Variants in SMTN observed in about 807,000 individuals in gnomAD.
SMTN encodes smoothelin.
SMTN carries 58 observed loss-of-function variants against 102.0 expected under a neutral mutation model. The ratio of observed to expected loss-of-function variants is 0.57; its 90% confidence interval spans 0.46 to 0.71. SMTN has a LOEUF of 0.71. Ranked by LOEUF, SMTN falls within the 30% of genes least tolerant of loss-of-function variation. The pLI is 0.00. For missense variants in SMTN, 1,185 were observed against 1,241.7 expected, an observed-to-expected ratio of 0.95 and a Z score of 0.69; for synonymous variants, 478 against 497.9, an observed-to-expected ratio of 0.96 and a Z score of 0.53.
chr22:31,090,439 A>T (rs956503653), intron 8 of SMTN, among the ~76,000 whole-genome samples: 3 of 150,208 alleles, frequency 2.0e-5, no homozygotes, highest in African/African-American at 7.4e-5. Flanking sequence ...CCAATAAGGG[A>T]GTCCACCCAT....
chr22:31,082,538 G>A (rs2147550145), intron 1 of SMTN: 1 of 494,120 alleles, frequency 2.0e-6, no homozygotes, highest in Non-Finnish European at 4.1e-6. Context: ...TCCAGGGGTT[G>A]GGCAGGTCAG....
In SMTN at chr22:31,104,480, A is replaced by C. The variant is rs536967394; in HGVS notation, c.*185A>C. On this transcript the variant is annotated 3_prime_UTR_variant, in exon 21 of 21. Transcript: ENST00000333137. ...AAGAATGTCTAGCCTGCCCGCCCGC[A>C]TGGCCAGCCAGTGGCAAGCTGCCGC... 55 of 1,610,240 alleles carry C rather than the reference A, an allele frequency of 3.4e-5. No homozygotes were observed. The Admixed American group carries it at 9.2e-4, about 27-fold the overall frequency.
upstream of SMTN, among the ~76,000 whole-genome samples, chr22:31,076,876 C>G (rs1450354415): frequency 6.6e-6 from 1 of 152,166 alleles, no homozygotes; most frequent in African/African-American, 2.4e-5. Context: ...GACTCTGGAG[C>G]CAAAATACCC....
At chr22:31,083,340 A>G (rs2042438652) in intron 2 of SMTN, 31 bp downstream of exon 2, 1 of 1,517,430 alleles carries the variant, frequency 6.6e-7, no homozygotes, top group African/African-American at 1.4e-5. Flanking sequence ...CTGTGGGGAC[A>G]GGAAAGCCAA....
intron 1 of SMTN, among the ~76,000 whole-genome samples, chr22:31,074,446 T>C (rs1444856399): frequency 1.3e-5 from 2 of 151,864 alleles, no homozygotes; most frequent in African/African-American, 4.8e-5. Context: ...TTGCTATTGA[T>C]TTTGGGCAAA....
In SMTN at chr22:31,090,112, T is replaced by C; in HGVS notation, c.797T>C (p.Leu266Pro). 1 of 1,612,158 alleles carries C rather than the reference T, an allele frequency of 6.2e-7. No homozygotes were observed. The highest frequency in any genetic ancestry group is 2.2e-5 in the East Asian group (1 of 44,878). Reference protein sequence around the residue: ...STEGQVVNKLLSGPKETPAAQ... With the variant: ...STEGQVVNKLPSGPKETPAAQ... The stretch of plus-strand genomic sequence containing the variant: ...CCCTGTTCTTCTCCCTTGCAGCTTC[T>C]GTCTGGCCCCAAAGAGACCCCTGCT... The change falls in exon 8 of 21, where the codon CTG becomes CCG. Residue 266 changes from leucine to proline, a missense_variant. Coordinates refer to ENST00000333137, the MANE Select transcript of SMTN (RefSeq NM_134269.3).
chr22:31,097,162 T>C (rs2043661457), intron 15 of SMTN, 102 bp downstream of exon 15: 1 of 1,495,000 alleles, frequency 6.7e-7, no homozygotes, highest in Admixed American at 1.7e-5. Context: ...TGCCGTCACT[T>C]TCTCTTCTCT....
upstream of SMTN, among the ~76,000 whole-genome samples, chr22:31,078,976 A>G (rs780682322): frequency 4.6e-5 from 7 of 152,242 alleles, no homozygotes; most frequent in Admixed American, 1.3e-4. Flanking sequence ...AGTGGCAGCA[A>G]AGTGGAGGGA....
Position 31,096,771 on chromosome 22 carries a change from G to A in SMTN, c.1900G>A (p.Ala634Thr). Residue 634 changes from alanine to threonine, a missense_variant, in exon 14 of 21, where the codon GCA (alanine) becomes ACA (threonine). By Grantham distance (58) the Ala-to-Thr change is moderately conservative. Transcript: ENST00000333137. ...GGAGCGGGAACGGCGGCTGCAGGAG[G>A]CACGGGGCCGGCCAGGGGAGGGGCG... Reference protein sequence around the residue: ...DKERERRLQEARGRPGEGRGN... With the variant: ...DKERERRLQETRGRPGEGRGN... 6.4e-7 allele frequency: 1 copy of A among 1,559,748 alleles called. No individual in the cohort carries two copies. The highest frequency in any genetic ancestry group is 8.7e-7 in the Non-Finnish European group (1 of 1,155,868).
chr22:31,088,314 T>A, intron 3 of SMTN, 199 bp from the exon 4 acceptor site: 1 of 773,196 alleles, frequency 1.3e-6, no homozygotes, highest in Non-Finnish European at 2.1e-6. Context: ...GCCGTGCTGA[T>A]GTAGCCAGCA....
chr22:31,087,835 C>A, intron 2 of SMTN, 130 bp from the exon 3 acceptor site: 1 of 1,003,786 alleles, frequency 1.0e-6, no homozygotes, highest in South Asian at 1.8e-5. Flanking sequence ...GGCAGGCAGG[C>A]ACGTGAAGAG....
At chr22:31,099,650 C>A in intron 18 of SMTN, 95 bp from the exon 19 acceptor site, 1 of 1,397,476 alleles carries the variant, frequency 7.2e-7, no homozygotes, top group Non-Finnish European at 9.8e-7. Flanking sequence ...CTCTTTGTGC[C>A]CAGTGCCCTA....
chr22:31,076,871 T>C, upstream of SMTN, among the ~76,000 whole-genome samples: 1 of 152,354 alleles, frequency 6.6e-6, no homozygotes, highest in East Asian at 1.9e-4. Context: ...GACTGGACTC[T>C]GGAGCCAAAA....
At chr22:31,089,428 A>T (rs1223639390) in intron 6 of SMTN, among the ~76,000 whole-genome samples, 1 of 152,158 alleles carries the variant, frequency 6.6e-6, no homozygotes, top group East Asian at 1.9e-4. Flanking sequence ...CGTCCCCAAT[A>T]GGTCTCCTGC....
chr22:31,082,748 G>A (rs1402977346), intron 1 of SMTN: 5 of 953,992 alleles, frequency 5.2e-6, no homozygotes, highest in Non-Finnish European at 7.8e-6. Flanking sequence ...ACAGCCAGAA[G>A]CTGAGCCTGC....
Position 31,089,819 on chromosome 22 carries a change from A to C in SMTN, c.592A>C (p.Thr198Pro). 6.2e-7 allele frequency: 1 copy of C among 1,613,562 alleles called. No individual in the cohort carries two copies. Among genetic ancestry groups the C allele is most frequent in the Non-Finnish European group, 8.5e-7 (1 of 1,179,932 alleles). The change falls in exon 7 of 21, where the codon ACA becomes CCA. Residue 198 changes from threonine to proline, a missense_variant. By Grantham distance (38) the Thr-to-Pro change is conservative. This residue lies in a region of SMTN where 1,096 missense variants were observed against 1,112.7 expected (regional missense o/e 0.98). Coordinates refer to ENST00000333137, the MANE Select transcript of SMTN (RefSeq NM_134269.3). Reference protein sequence around the residue: ...TLLLRAPPGSTSSSPASPSSS... With the variant: ...TLLLRAPPGSPSSSPASPSSS... Reference sequence around the variant, plus strand: ...CCTGCTGCGAGCCCCACCTGGGAGCACATCCAGCTCACCTGCCTCACCCAG... The same window carrying C: ...CCTGCTGCGAGCCCCACCTGGGAGCCCATCCAGCTCACCTGCCTCACCCAG...
At position 31,068,876 on chromosome 22, in the gene SMTN, A is replaced by G. The variant is rs897990242; in HGVS notation, c.-386+4689A>G. On this transcript the variant is annotated intron_variant, in intron 1 of 3. Coordinates refer to the SMTN transcript ENST00000422839. ...ATACGTGCTCTGGGAAGACCTTTCT[A>G]AGGAGGTGATGTGTGAGTTAAGATC... Among the ~76,000 whole-genome samples, 128 of 152,114 alleles carry G rather than the reference A, an allele frequency of 8.4e-4. 1 individual carries two copies. Among genetic ancestry groups the G allele is most frequent in the Non-Finnish European group, 2.6e-4 (18 of 68,016 alleles).
In SMTN at chr22:31,099,046, G is replaced by T; in HGVS notation, c.2334-16G>T. On this transcript the variant is annotated splice_polypyrimidine_tract_variant and intron_variant, in intron 17 of 20. Transcript: ENST00000333137. Reference sequence around the variant, plus strand: ...CCTTATAGTCGTGTGACCTGGTCCTGACACCGCCCCTACAGCAGCCCTGGC... The same window carrying T: ...CCTTATAGTCGTGTGACCTGGTCCTTACACCGCCCCTACAGCAGCCCTGGC... 1 of 1,608,156 alleles carries T rather than the reference G, an allele frequency of 6.2e-7. No homozygotes were observed. Among genetic ancestry groups the T allele is most frequent in the South Asian group, 1.1e-5 (1 of 91,046 alleles).
chr22:31,101,159 GC>G (rs1308262562), intron 20 of SMTN, 110 bp downstream of exon 20: 22 of 992,226 alleles, frequency 2.2e-5, no homozygotes, highest in Admixed American at 1.5e-4. Flanking sequence ...ATTTAGTCAA[GC>G]CAGAGGAGCC....
Sources: allele counts gnomAD v4.1 joint callset (sites outside exome capture counted in the v4.1 genomes callset), GRCh38; gene constraint gnomAD v4.1.1; regional missense constraint gnomAD v4.1.1; transcripts MANE v1.5; gene names NCBI Gene and HGNC (gene_info 2026-07-23, HGNC 2026-07-21).